Variants in WDR7 observed in about 807,000 individuals in gnomAD.
WDR7 encodes WD repeat domain 7.
Under a neutral mutation model 169.4 loss-of-function variants are expected in WDR7, and 46 were observed. That is an observed-to-expected ratio of 0.27 (90% confidence interval 0.21 to 0.35). The LOEUF (loss-of-function observed/expected upper bound fraction) is 0.35. Among genes scored for constraint, WDR7 ranks in the 10% least tolerant of loss-of-function variants. WDR7 has a pLI of 1.00. For synonymous variants in WDR7, 612 were observed against 666.8 expected (o/e 0.92, Z 1.27); for missense variants, 1,534 against 1,859.3 (o/e 0.83, Z 3.22).
chr18:56,704,697 T>A (rs1403143450), intron 12 of WDR7, among the ~76,000 whole-genome samples: 2 of 152,188 alleles, frequency 1.3e-5, no homozygotes, highest in Admixed American at 6.5e-5. Flanking sequence ...CCTTTAACAG[T>A]AATGAGAAAG....
chr18:56,964,770 T>C (rs372023454), intron 26 of WDR7, among the ~76,000 whole-genome samples: 2 of 152,278 alleles, frequency 1.3e-5, no homozygotes, highest in South Asian at 2.1e-4. Flanking sequence ...ACCCAAATTA[T>C]TGAATAACCT....
intron 26 of WDR7, among the ~76,000 whole-genome samples, chr18:56,985,816 C>T (rs1157591701): frequency 6.6e-6 from 1 of 151,948 alleles, no homozygotes; most frequent in East Asian, 1.9e-4. Flanking sequence ...GCTCAGAGAT[C>T]CTAAGAAACA....
At chr18:56,676,650 A>G (rs1347410022) in intron 2 of WDR7, among the ~76,000 whole-genome samples, 1 of 152,174 alleles carries the variant, frequency 6.6e-6, no homozygotes, top group African/African-American at 2.4e-5. Flanking sequence ...CAAACAAAAA[A>G]GGACAACTAA....
At chr18:56,994,512 G>T (rs1041418345) in intron 26 of WDR7, among the ~76,000 whole-genome samples, 2 of 152,132 alleles carry the variant, frequency 1.3e-5, no homozygotes, top group Non-Finnish European at 2.9e-5. Flanking sequence ...AAAAAAAAGA[G>T]TTTGTTCACA....
chr18:56,845,838 G>C (rs955717714), intron 20 of WDR7, among the ~76,000 whole-genome samples: 3 of 151,972 alleles, frequency 2.0e-5, no homozygotes, highest in Non-Finnish European at 2.9e-5. Flanking sequence ...AGAAACAATT[G>C]TTTTATTATT....
At chr18:56,763,322 G>A (rs1007609962) in intron 16 of WDR7, among the ~76,000 whole-genome samples, 2 of 152,160 alleles carry the variant, frequency 1.3e-5, no homozygotes, top group Non-Finnish European at 2.9e-5. Flanking sequence ...ATTATGAATA[G>A]ATGTTAGATT....
chr18:56,981,535 G>A lies in WDR7; in HGVS notation c.4164+19006G>A, dbSNP rs545992155. On this transcript the variant is annotated intron_variant, in intron 26 of 27. Transcript: ENST00000254442. Reference sequence around the variant, plus strand: ...GGACAAAGCCCTGAAAAACTTCAGTGTTTAGAGATAAGATGGAGAGATGCA... The same window carrying A: ...GGACAAAGCCCTGAAAAACTTCAGTATTTAGAGATAAGATGGAGAGATGCA... Among the ~76,000 whole-genome samples the A allele has an allele frequency of 1.1e-4, 17 of 152,302 alleles. No homozygotes were observed. The South Asian group carries it at 3.5e-3, about 32-fold the overall frequency.
chr18:56,791,831 G>A (rs960637559), intron 19 of WDR7, among the ~76,000 whole-genome samples: 2 of 152,216 alleles, frequency 1.3e-5, no homozygotes, highest in Admixed American at 1.3e-4. Context: ...GTCTTGTGGC[G>A]AAGGGACTCT....
At chr18:56,913,935 G>A (rs2046587810) in intron 21 of WDR7, among the ~76,000 whole-genome samples, 1 of 152,048 alleles carries the variant, frequency 6.6e-6, no homozygotes, top group Admixed American at 6.5e-5. Context: ...GCCCCACTAC[G>A]GTCTATTCCA....
chr18:56,903,846 A>G (rs998488862), intron 21 of WDR7, among the ~76,000 whole-genome samples: 9 of 152,142 alleles, frequency 5.9e-5, no homozygotes, highest in African/African-American at 2.2e-4. Flanking sequence ...GTTATCCAGA[A>G]ATGAAGTTAT....
chr18:56,834,363 G>C, intron 20 of WDR7, among the ~76,000 whole-genome samples: 1 of 152,120 alleles, frequency 6.6e-6, no homozygotes, highest in East Asian at 1.9e-4. Flanking sequence ...GTATAACGAT[G>C]TGACTCACTG....
chr18:56,903,337 T>A (rs536628754), intron 21 of WDR7, among the ~76,000 whole-genome samples: 1 of 152,248 alleles, frequency 6.6e-6, no homozygotes, highest in East Asian at 1.9e-4. Context: ...GTTTTGAGAG[T>A]TGAGCTGTGG....
intron 1 of WDR7, among the ~76,000 whole-genome samples, chr18:56,665,040 T>C (rs2024987097): frequency 6.6e-6 from 1 of 152,154 alleles, no homozygotes; most frequent in Non-Finnish European, 1.5e-5. Flanking sequence ...ATGGCTGTAA[T>C]CCCAGCACCT....
intron 21 of WDR7, among the ~76,000 whole-genome samples, chr18:56,908,048 T>C (rs2046503521): frequency 6.6e-6 from 1 of 152,210 alleles, no homozygotes; most frequent in African/African-American, 2.4e-5. Flanking sequence ...AATATAGTTC[T>C]ATAAACATGC....
At position 56,779,435 on chromosome 18, in the gene WDR7, G is replaced by A; in HGVS notation, c.2952G>A (p.Trp984Ter). 6.2e-7 allele frequency: 1 copy of A among 1,601,544 alleles called. No individual in the cohort carries two copies. The highest frequency in any genetic ancestry group is 8.5e-7 in the Non-Finnish European group (1 of 1,174,242). ...AATATATTACATTTTTGACAGGTTG[G>A]AGTCAGTTAGCTGCTATGCACTGTG... is the stretch of plus-strand genomic sequence containing the variant. ...LHTCFLVNEG[W>*]SQLAAMHCVM... Residue 984 changes from tryptophan (W) to a stop codon, truncating the protein, a stop_gained, in exon 18 of 28, where the codon TGG (tryptophan) becomes TGA (stop). Transcript: ENST00000254442. LOFTEE classifies it high-confidence loss of function.
At chr18:56,813,881 T>A (rs979786961) in intron 19 of WDR7, among the ~76,000 whole-genome samples, 6 of 152,190 alleles carry the variant, frequency 3.9e-5, no homozygotes, top group Non-Finnish European at 8.8e-5. Context: ...TAAGCTCTGT[T>A]CCAAAATCCT....
chr18:56,807,984 T>A (rs2044804993), intron 19 of WDR7, among the ~76,000 whole-genome samples: 1 of 152,200 alleles, frequency 6.6e-6, no homozygotes, highest in Non-Finnish European at 1.5e-5. Flanking sequence ...GTGGATACTG[T>A]GTCTTTAATG....
intron 16 of WDR7, among the ~76,000 whole-genome samples, chr18:56,760,633 G>A (rs1180572552): frequency 1.3e-5 from 2 of 152,124 alleles, no homozygotes; most frequent in Non-Finnish European, 2.9e-5. Context: ...ATTCTGCTAT[G>A]AGCATCCTTG....
In WDR7 at chr18:56,874,287, G is replaced by C. The variant is rs543709869; in HGVS notation, c.3305-5657G>C. On this transcript the variant is annotated intron_variant, in intron 20 of 27. Coordinates refer to ENST00000254442, the MANE Select transcript of WDR7 (RefSeq NM_015285.3). Reference sequence around the variant, plus strand: ...GATTATTGATTTTTTTTTCTTCTTAGTATGGTTACGCATTTAGGTGGTTTT... The same window carrying C: ...GATTATTGATTTTTTTTTCTTCTTACTATGGTTACGCATTTAGGTGGTTTT... Among the ~76,000 whole-genome samples, 81 of 151,780 alleles carry C rather than the reference G, an allele frequency of 5.3e-4. 1 individual carries two copies. Among genetic ancestry groups the C allele is most frequent in the Admixed American group, 1.8e-3 (28 of 15,256 alleles).
Sources: gnomAD v4.1 joint callset for allele counts (sites outside exome capture counted in the v4.1 genomes callset) on GRCh38, gnomAD v4.1.1 for gene constraint, MANE v1.5 for transcripts, NCBI Gene and HGNC (gene_info 2026-07-23, HGNC 2026-07-21) for gene names.